Variants in NF2 observed in about 807,000 individuals in gnomAD.
NF2 encodes NF2, moesin-ezrin-radixin like (MERLIN) tumor suppressor.
In NF2, 8 loss-of-function variants were observed where a neutral mutation model predicts 83.7. The observed-to-expected ratio is 0.10, with a 90% CI of 0.06 to 0.17. The LOEUF is 0.17. Ranked by LOEUF, NF2 falls within the 10% of genes least tolerant of loss-of-function variation. The pLI, the probability that NF2 is intolerant of heterozygous loss-of-function variation, is 1.00. For missense variants in NF2, 533 were observed against 744.4 expected (o/e 0.72, Z 3.31); for synonymous variants, 266 against 269.6 (o/e 0.99, Z 0.13).
intron 10 of NF2, among the ~76,000 whole-genome samples, chr22:29,669,659 C>T (rs983695466): frequency 1.3e-5 from 2 of 152,104 alleles, no homozygotes; most frequent in African/African-American, 4.8e-5. Flanking sequence ...GTCTGTGGGC[C>T]CTGGCAGAGA....
intron 1 of NF2, among the ~76,000 whole-genome samples, chr22:29,605,889 C>T (rs763545940): frequency 1.9e-4 from 29 of 152,206 alleles, no homozygotes; most frequent in Admixed American, 2.6e-4. Context: ...CAGCATTTCT[C>T]ATCCTACCTA....
intron 14 of NF2, among the ~76,000 whole-genome samples, chr22:29,678,889 G>C (rs1177369196): frequency 6.6e-6 from 1 of 152,216 alleles, no homozygotes; most frequent in African/African-American, 2.4e-5. Context: ...TTTATTGTGG[G>C]TAGAAGTGGA....
At chr22:29,642,488 G>A (rs541047953) in intron 4 of NF2, among the ~76,000 whole-genome samples, 223 of 152,082 alleles carry the variant, frequency 1.5e-3, no homozygotes, top group African/African-American at 5.1e-3. Context: ...GTGTGTGTGT[G>A]TATGTGTGTG....
chr22:29,687,997 G>C (rs1277553867), intron 15 of NF2, among the ~76,000 whole-genome samples: 1 of 152,226 alleles, frequency 6.6e-6, no homozygotes, highest in African/African-American at 2.4e-5. Context: ...GCTCATCCCT[G>C]AAGGCCACTC....
At chr22:29,627,086 TA>T (rs1280849912) in intron 1 of NF2, among the ~76,000 whole-genome samples, 2 of 152,050 alleles carry the variant, frequency 1.3e-5, no homozygotes, top group Non-Finnish European at 2.9e-5. Flanking sequence ...ACACATAAAC[TA>T]AAGGTGAAGT....
rs1443117004 is a variant in NF2 at position 29,694,559 on chromosome 22, C to T, written c.1738-193C>T. On this transcript the variant is annotated intron_variant, in intron 15 of 15. Coordinates refer to ENST00000338641, the MANE Select transcript of NF2 (RefSeq NM_000268.4). This position sits in a 1 kb window ranked among gnomAD's most constrained non-coding sequence, Gnocchi z 4.1. ...TCCCCTTGCACATCCTCATTTGTCA[C>T]CTCCTAATTTGAATTATTGGGCAAA... Among the ~76,000 whole-genome samples, 1 of 152,236 alleles carries T rather than the reference C, an allele frequency of 6.6e-6. No individual in the cohort carries two copies. The highest frequency in any genetic ancestry group is 1.5e-5 in the Non-Finnish European group (1 of 68,040).
chr22:29,604,209 C>A, intron 1 of NF2, 97 bp downstream of exon 1: 1 of 1,041,364 alleles, frequency 9.6e-7, no homozygotes, highest in Non-Finnish European at 1.5e-6. Flanking sequence ...TAGAGACGGG[C>A]AGAACCGGAA....
At chr22:29,670,989 C>T (rs1038395683) in intron 10 of NF2, among the ~76,000 whole-genome samples, 1 of 152,166 alleles carries the variant, frequency 6.6e-6, no homozygotes, top group African/African-American at 2.4e-5. Flanking sequence ...ATGATTCCAT[C>T]TTCTCTGTGG....
chr22:29,681,405 C>G (rs1426192494), intron 14 of NF2, 34 bp from the exon 15 acceptor site: 1 of 1,612,654 alleles, frequency 6.2e-7, no homozygotes. Flanking sequence ...ACTGTCTGCC[C>G]AAGCCCTGAT....
chr22:29,670,503 T>TTGTGTGTGTG (rs131255), intron 10 of NF2, among the ~76,000 whole-genome samples: 3,986 of 146,372 alleles, frequency 0.027, 112 homozygotes, highest in African/African-American at 0.07. Flanking sequence ...CTTTTTGAGC[T>TTGTGTGTGTG]TGTGTGTGTG....
Position 29,681,580 on chromosome 22 carries a change from C to T in NF2, c.1716C>T (p.Ser572=). The change falls in exon 15 of 16, where the codon AGC becomes AGT. Residue 572 remains serine (S), a synonymous_variant. Coordinates refer to ENST00000338641, the MANE Select transcript of NF2 (RefSeq NM_000268.4). ...AGAACTCCGACAGGGGTGGCAGCAG[C>T]AAGCACAATACCATTAAAAAGGTAC... is the stretch of plus-strand genomic sequence containing the variant. ...HNENSDRGGS[S]KHNTIKKLTL... is the part of the protein sequence containing the mutation. 6.2e-7 allele frequency: 1 copy of T among 1,614,110 alleles called. No homozygotes were observed. The highest frequency in any genetic ancestry group is 8.5e-7 in the Non-Finnish European group (1 of 1,180,006).
At chr22:29,692,992 G>A (rs149524596) in intron 15 of NF2, among the ~76,000 whole-genome samples, 226 of 152,342 alleles carry the variant, frequency 1.5e-3, no homozygotes, top group African/African-American at 5.2e-3. Context: ...CTTGCACCAG[G>A]CAGCTGACTG....
intron 4 of NF2, among the ~76,000 whole-genome samples, chr22:29,644,357 T>A (rs1183790081): frequency 4.9e-5 from 7 of 143,344 alleles, no homozygotes; most frequent in Non-Finnish European, 9.1e-5. Flanking sequence ...ACTTCCTAGA[T>A]GTGATGGCGG....
rs371373672 is a variant in NF2, at chr22:29,639,196, A to G, written c.347A>G (p.His116Arg). The G allele has an allele frequency of 2.2e-5, 36 of 1,614,066 alleles. No homozygotes were observed. The highest frequency in any genetic ancestry group is 3.1e-5 in the Non-Finnish European group (36 of 1,180,032). The change falls in exon 3 of 16, where the codon CAT (histidine) becomes CGT (arginine). Residue 116 changes from histidine (H) to arginine (R), a missense_variant. This residue lies in a region of NF2 where 326 missense variants were observed against 475.1 expected (regional missense o/e 0.69). Transcript: ENST00000338641. ...EEELVQEITQ[H>R]LFFLQVKKQI... ...GAGCTGGTTCAGGAGATCACACAAC[A>G]TTTATTCTTCTTACAGGTACATCAG...
In NF2 at chr22:29,609,144, A is replaced by C. The variant is rs187507135; in HGVS notation, c.114+5032A>C. 3.9e-4 allele frequency: 295 copies of C among 753,088 alleles called. 1 individual carries two copies. The African/African-American group carries it at 4.6e-3, about 12-fold the overall frequency. The allele number at this position is 753,088 out of a possible 1,614,324, so 46.7% of individuals were successfully genotyped here. On this transcript the variant is annotated intron_variant, in intron 1 of 15. Transcript: ENST00000338641. ...CCAGGGGCTTTGATTAAAGACATTC[A>C]GGAGAATGGGATGAAGGTTGGCCTT...
At chr22:29,685,402 C>T (rs1332631287) in intron 15 of NF2, among the ~76,000 whole-genome samples, 1 of 151,698 alleles carries the variant, frequency 6.6e-6, no homozygotes, top group African/African-American at 2.4e-5. Flanking sequence ...GCCACTGTGC[C>T]TGGCCTGTTT....
In NF2 at chr22:29,697,867, G is replaced by C. The variant is rs2067597216; in HGVS notation, c.*3065G>C. 5.0e-6 allele frequency: 1 copy of C among 199,298 alleles called. No individual in the cohort carries two copies. The highest frequency in any genetic ancestry group is 7.6e-5 in the East Asian group (1 of 13,090). The allele number at this position is 199,298 out of a possible 1,614,324, so 12.3% of individuals were successfully genotyped here. On this transcript the variant is annotated 3_prime_UTR_variant, in exon 16 of 16. Coordinates refer to ENST00000338641, the MANE Select transcript of NF2 (RefSeq NM_000268.4). The stretch of plus-strand genomic sequence containing the variant: ...AGGCATGAGCCACCGCGCTTGGCCA[G>C]ACTGCGTCCTTTTTAAGCGAACATT...
intron 15 of NF2, among the ~76,000 whole-genome samples, chr22:29,685,832 C>T (rs1314615887): frequency 6.6e-6 from 1 of 152,162 alleles, no homozygotes; most frequent in Non-Finnish European, 1.5e-5. Flanking sequence ...AGGAGTTTGC[C>T]CTTAGGTTAC....
intron 4 of NF2, among the ~76,000 whole-genome samples, chr22:29,651,056 CTG>C (rs1293476491): frequency 6.6e-6 from 1 of 152,130 alleles, no homozygotes; most frequent in East Asian, 1.9e-4. Flanking sequence ...TATCCATACT[CTG>C]TTATGTTTTG....
Sources: gnomAD v4.1 joint callset for allele counts (sites outside exome capture counted in the v4.1 genomes callset) on GRCh38, gnomAD v4.1.1 for gene constraint, gnomAD v4.1.1 regional missense constraint, Gnocchi (gnomAD v3.1) non-coding constraint, MANE v1.5 for transcripts, NCBI Gene and HGNC (gene_info 2026-07-23, HGNC 2026-07-21) for gene names.